Variants in ATP10A observed in about 807,000 individuals in gnomAD.
The protein encoded by ATP10A is ATPase phospholipid transporting 10A (putative), also known as phospholipid-transporting ATPase VA.
In ATP10A, 111 loss-of-function variants were observed where a neutral mutation model predicts 147.8. The observed-to-expected ratio is 0.75, with a 90% CI of 0.64 to 0.88. The LOEUF (loss-of-function observed/expected upper bound fraction) is 0.88. Among genes scored for constraint, ATP10A ranks in the 40% least tolerant of loss-of-function variants. The pLI, the probability that ATP10A is intolerant of heterozygous loss-of-function variation, is 0.00. For missense variants in ATP10A, 1,927 were observed against 1,959.0 expected (o/e 0.98, Z 0.31); for synonymous variants, 875 against 841.6 (o/e 1.04, Z -0.69).
rs770988106 is a variant in ATP10A at position 25,679,962 on chromosome 15, T to C, written c.3879A>G (p.Arg1293=). The C allele has an allele frequency of 6.9e-6, 11 of 1,593,020 alleles. No homozygotes were observed. The highest frequency in any genetic ancestry group is 8.6e-6 in the Non-Finnish European group (10 of 1,165,788). The change falls in exon 21 of 21, where the codon AGA becomes AGG. Residue 1293 remains arginine (R), a synonymous_variant. Transcript: ENST00000555815. The stretch of plus-strand genomic sequence containing the variant: ...TGGGGAAAACCCTCCCCTGGAGGGA[T>C]CTGAAAAACAATCTAGAAAAAGTAC... ...VAALLPRLFF[R]SLQGRVFPTQ... is the part of the protein sequence containing the mutation.
rs1451001917 is a variant in ATP10A, at chr15:25,690,245, A to T, written c.3165+1470T>A. ...TAATTTTTTTTCCTTTTTTTTAAAA[A>T]AAAAAAAAAAAAAAGAGAGACTGGG... is the stretch of plus-strand genomic sequence containing the variant. On this transcript the variant is annotated intron_variant, in intron 15 of 20. Transcript: ENST00000555815. 1.8e-3 allele frequency among the ~76,000 whole-genome samples: 267 copies of T among 150,072 alleles called. 1 individual carries two copies. In the Middle Eastern group the frequency reaches 0.021, roughly 12 times the overall value.
At chr15:25,806,655 T>G (rs1394259152) in intron 1 of ATP10A, among the ~76,000 whole-genome samples, 1 of 152,190 alleles carries the variant, frequency 6.6e-6, no homozygotes, top group Admixed American at 6.5e-5. Context: ...CTTACTTTAC[T>G]GTAATAACAC....
chr15:25,853,151 A>G (rs1271900790), intron 1 of ATP10A, among the ~76,000 whole-genome samples: 1 of 152,252 alleles, frequency 6.6e-6, no homozygotes, highest in Non-Finnish European at 1.5e-5. Context: ...TAATTCATAC[A>G]AACTGCACTC....
At chr15:25,832,653 G>A (rs1355953828) in intron 1 of ATP10A, among the ~76,000 whole-genome samples, 1 of 151,844 alleles carries the variant, frequency 6.6e-6, no homozygotes, top group Non-Finnish European at 1.5e-5. Flanking sequence ...ACAAAAACAG[G>A]CAACATCTAG....
At chr15:25,680,032 C>T in intron 20 of ATP10A, 58 bp from the exon 21 acceptor site, 2 of 1,578,448 alleles carry the variant, frequency 1.3e-6, no homozygotes, top group South Asian at 2.3e-5. Context: ...TGTCTTTGAG[C>T]TTCCAGAGAC....
rs756280950 is a variant in ATP10A, at chr15:25,716,870, T to A, written c.1636A>T (p.Lys546Ter). 3 of 1,606,980 alleles carry A rather than the reference T, an allele frequency of 1.9e-6. No individual in the cohort carries two copies. The highest frequency in any genetic ancestry group is 2.5e-6 in the Non-Finnish European group (3 of 1,176,878). The part of the protein sequence containing the change: ...KLLEKVSECD[K>*]SLAVARHQEH... ...TGATGCCTCGCCACGGCTAGGCTCTTGTCACACTCACTCACCTTCTCCAGC... is the reference window on the plus strand; with the variant it reads ...TGATGCCTCGCCACGGCTAGGCTCTAGTCACACTCACTCACCTTCTCCAGC... Residue 546 changes from lysine to a stop codon, truncating the protein, a stop_gained, in exon 9 of 21, where the codon AAG becomes TAG. Transcript: ENST00000555815. LOFTEE classifies it high-confidence loss of function.
At chr15:25,725,638 C>CT (rs34133892) in intron 5 of ATP10A, among the ~76,000 whole-genome samples, 19,661 of 144,676 alleles carry the variant, frequency 0.14, 1,703 homozygotes, top group South Asian at 0.25. Context: ...TTCTTTCTTT[C>CT]TTTTTTTTTT....
rs774926777 is a variant in ATP10A at position 25,691,834 on chromosome 15, C to T, written c.3089-43G>A. On this transcript the variant is annotated intron_variant, in intron 14 of 20. Transcript: ENST00000555815. ...AAGAAGAATTGTTTGATTCTAGAAA[C>T]AGCACAGAATCAAATCAATGTGCTA... 16 of 1,607,570 alleles carry T rather than the reference C, an allele frequency of 1.0e-5. No homozygotes were observed. The Admixed American group carries it at 1.7e-4, about 17-fold the overall frequency.
intron 3 of ATP10A, among the ~76,000 whole-genome samples, chr15:25,733,896 A>G (rs1887109075): frequency 6.6e-6 from 1 of 152,192 alleles, no homozygotes; most frequent in Non-Finnish European, 1.5e-5. Context: ...CACAGGAGGA[A>G]CGCCTGCTGG....
intron 6 of ATP10A, among the ~76,000 whole-genome samples, 183 bp from the exon 7 acceptor site, chr15:25,722,092 AAG>A (rs1902275567): frequency 6.6e-6 from 1 of 152,210 alleles, no homozygotes; most frequent in Non-Finnish European, 1.5e-5. Context: ...AGTATTGGCA[AAG>A]AGAATAAACT....
At position 25,713,731 on chromosome 15, in the gene ATP10A, C is replaced by A; in HGVS notation, c.2287G>T (p.Val763Phe). 6.2e-7 allele frequency: 1 copy of A among 1,614,096 alleles called. No homozygotes were observed. The highest frequency in any genetic ancestry group is 8.5e-7 in the Non-Finnish European group (1 of 1,180,026). Residue 763 changes from valine to phenylalanine, a missense_variant, in exon 10 of 21, where the codon GTC (valine) becomes TTC (phenylalanine). Physicochemically the swap from Val to Phe is conservative, Grantham distance 50. Transcript: ENST00000555815. ...ACTGAGTCGGCCCCCTTGGTGTAGA[C>A]GTTGATCTCATCGGTAAGCGGGTGC... ...IRHPLTDEIN[V>F]YTKGADSVVM... is the part of the protein sequence containing the mutation.
intron 1 of ATP10A, among the ~76,000 whole-genome samples, chr15:25,843,911 T>C (rs541510967): frequency 2.6e-5 from 4 of 152,286 alleles, no homozygotes; most frequent in African/African-American, 9.6e-5. Flanking sequence ...TTTTAGCCGA[T>C]TTCCTGCTTC....
intron 10 of ATP10A, chr15:25,709,151 A>G (rs979026120): frequency 1.3e-5 from 2 of 152,254 alleles, no homozygotes; most frequent in Non-Finnish European, 2.9e-5. Context: ...ACACATATAG[A>G]ACATAAACAG....
At chr15:25,850,455 G>C (rs1004545385) in intron 1 of ATP10A, among the ~76,000 whole-genome samples, 1 of 152,190 alleles carries the variant, frequency 6.6e-6, no homozygotes, top group Non-Finnish European at 1.5e-5. Flanking sequence ...GGCTGTGTCT[G>C]GTACCGCCTC....
chr15:25,818,277 A>G (rs1448964743), intron 1 of ATP10A, among the ~76,000 whole-genome samples: 1 of 152,146 alleles, frequency 6.6e-6, no homozygotes, highest in African/African-American at 2.4e-5. Flanking sequence ...AAAAGTCAAA[A>G]TATTTGCTCT....
At chr15:25,703,513 A>T (rs1422277425) in intron 12 of ATP10A, among the ~76,000 whole-genome samples, 1 of 152,162 alleles carries the variant, frequency 6.6e-6, no homozygotes, top group Non-Finnish European at 1.5e-5. Context: ...TAGCCTTCAA[A>T]ACTCTAAGAA....
At chr15:25,742,277 A>G (rs1422787306) in intron 2 of ATP10A, among the ~76,000 whole-genome samples, 2 of 134,328 alleles carry the variant, frequency 1.5e-5, no homozygotes, top group African/African-American at 2.6e-5. Flanking sequence ...ACACAGGTCC[A>G]CAGGTGGCTT....
intron 3 of ATP10A, among the ~76,000 whole-genome samples, chr15:25,733,262 G>T (rs961696348): frequency 6.6e-6 from 1 of 152,148 alleles, no homozygotes; most frequent in African/African-American, 2.4e-5. Context: ...GCCACTTCCT[G>T]AGCCTAGACA....
chr15:25,719,091 G>T (rs1007714565), intron 7 of ATP10A, among the ~76,000 whole-genome samples: 3 of 152,170 alleles, frequency 2.0e-5, no homozygotes, highest in Non-Finnish European at 4.4e-5. Flanking sequence ...TCTGGGTTTT[G>T]CCCAGGGAGG....
Sources: gnomAD v4.1 joint callset for allele counts (sites outside exome capture counted in the v4.1 genomes callset) on GRCh38, gnomAD v4.1.1 for gene constraint, MANE v1.5 for transcripts, NCBI Gene and HGNC (gene_info 2026-07-23, HGNC 2026-07-21) for gene names.